Variants in SHISA6 observed in about 807,000 individuals in gnomAD.
SHISA6 encodes protein shisa-6.
SHISA6 carries 22 observed loss-of-function variants against 47.9 expected under a neutral mutation model. That is an observed-to-expected ratio of 0.46 (90% CI 0.33 to 0.66). The LOEUF (loss-of-function observed/expected upper bound fraction) is 0.66, where lower values mean the gene tolerates loss of function less well. SHISA6 is among the 30% of genes least tolerant of loss of function. The pLI, the probability that SHISA6 is intolerant of heterozygous loss-of-function variation, is 0.02. For missense variants in SHISA6, 680 were observed against 764.6 expected (o/e 0.89, Z 1.30); for synonymous variants, 388 against 337.8 (o/e 1.15, Z -1.63).
In SHISA6 at chr17:11,481,356, GTGTGTGTGTGTATA is replaced by G. The variant is rs370623155; in HGVS notation, c.896-70538_896-70525del. ...TATATATGTGTGTGTGTGTGTGTGT[GTGTGTGTGTGTATA>G]TATATATATATATATATTTAGAAAC... On this transcript the variant is annotated intron_variant, in intron 3 of 5. Coordinates refer to ENST00000441885, the MANE Select transcript of SHISA6 (RefSeq NM_207386.4). Among the ~76,000 whole-genome samples, 1,018 of 121,194 alleles carry G rather than the reference GTGTGTGTGTGTATA, an allele frequency of 8.4e-3. 17 individuals are homozygous for G. Among genetic ancestry groups the G allele is most frequent in the African/African-American group, 0.03 (967 of 32,432 alleles). 79.5% of individuals were successfully genotyped at this position (121,194 alleles called of 152,430 possible).
chr17:11,476,500 A>T (rs1430903893), intron 3 of SHISA6, among the ~76,000 whole-genome samples: 3 of 152,054 alleles, frequency 2.0e-5, no homozygotes, highest in African/African-American at 4.8e-5. Flanking sequence ...ATAGTTCAAA[A>T]TATCTTTGAT....
chr17:11,308,207 C>G (rs1042293405), intron 2 of SHISA6, among the ~76,000 whole-genome samples: 3 of 152,148 alleles, frequency 2.0e-5, no homozygotes, highest in Non-Finnish European at 4.4e-5. Context: ...CCCTGAATTT[C>G]CTTAGTGTTT....
At chr17:11,244,570 C>T (rs1364692167) in intron 1 of SHISA6, among the ~76,000 whole-genome samples, 1 of 152,184 alleles carries the variant, frequency 6.6e-6, no homozygotes, top group East Asian at 1.9e-4. Context: ...CCACCGTTTG[C>T]CATTCTGGGG....
At chr17:11,344,731 T>C (rs1292595919) in intron 2 of SHISA6, among the ~76,000 whole-genome samples, 1 of 152,202 alleles carries the variant, frequency 6.6e-6, no homozygotes, top group Non-Finnish European at 1.5e-5. Context: ...AATGATCAAA[T>C]CAGGGTAATT....
At chr17:11,297,918 G>A (rs1033930055) in intron 2 of SHISA6, among the ~76,000 whole-genome samples, 14 of 152,194 alleles carry the variant, frequency 9.2e-5, no homozygotes, top group Non-Finnish European at 1.9e-4. Context: ...TTATCTGGTG[G>A]TTGGAGGACG....
intron 3 of SHISA6, among the ~76,000 whole-genome samples, chr17:11,522,198 C>CTAGT (rs1244951842): frequency 6.6e-6 from 1 of 152,076 alleles, no homozygotes; most frequent in Non-Finnish European, 1.5e-5. Context: ...ATCTCCTGAC[C>CTAGT]TAGTGATCCA....
intron 3 of SHISA6, among the ~76,000 whole-genome samples, chr17:11,388,455 G>C (rs1324483869): frequency 6.6e-6 from 1 of 151,956 alleles, no homozygotes; most frequent in Non-Finnish European, 1.5e-5. Flanking sequence ...GCTGACTATT[G>C]GTCATTCGGA....
At chr17:11,334,327 A>G (rs969854665) in intron 2 of SHISA6, among the ~76,000 whole-genome samples, 2 of 150,840 alleles carry the variant, frequency 1.3e-5, no homozygotes, top group Non-Finnish European at 3.0e-5. Flanking sequence ...TGATGTAAGG[A>G]AAAAAAAAAT....
chr17:11,532,420 C>T (rs945637073), intron 3 of SHISA6, among the ~76,000 whole-genome samples: 4 of 152,186 alleles, frequency 2.6e-5, no homozygotes, highest in African/African-American at 9.7e-5. Context: ...TGTTTCTTTC[C>T]CTTCCTTATC....
intron 2 of SHISA6, among the ~76,000 whole-genome samples, chr17:11,347,794 G>T (rs1911750511): frequency 6.6e-6 from 1 of 152,134 alleles, no homozygotes; most frequent in Non-Finnish European, 1.5e-5. Flanking sequence ...GGTGAGAGTG[G>T]TGCCCTTTTC....
chr17:11,278,945 C>A (rs1297263578), intron 2 of SHISA6, among the ~76,000 whole-genome samples: 1 of 152,138 alleles, frequency 6.6e-6, no homozygotes, highest in East Asian at 1.9e-4. Context: ...GCCAGCCAAG[C>A]CTTGGAGAGG....
intron 3 of SHISA6, among the ~76,000 whole-genome samples, chr17:11,484,864 G>A (rs1234007051): frequency 6.6e-6 from 1 of 152,200 alleles, no homozygotes; most frequent in Admixed American, 6.5e-5. Flanking sequence ...TCTGAAAAGA[G>A]TCTGAGTAGA....
chr17:11,453,936 T>C (rs1250978404), intron 3 of SHISA6, among the ~76,000 whole-genome samples: 1 of 152,240 alleles, frequency 6.6e-6, no homozygotes, highest in Non-Finnish European at 1.5e-5. Context: ...ATTTACCCAC[T>C]GAAGGACATT....
intron 1 of SHISA6, among the ~76,000 whole-genome samples, chr17:11,245,580 G>A (rs571861238): frequency 1.4e-4 from 22 of 152,268 alleles, no homozygotes; most frequent in Admixed American, 1.4e-3. Context: ...GTGTCTTGGA[G>A]ATGAGAATCA....
chr17:11,253,007 C>A (rs571763613), intron 1 of SHISA6, among the ~76,000 whole-genome samples: 11 of 152,246 alleles, frequency 7.2e-5, no homozygotes, highest in African/African-American at 2.4e-5. Flanking sequence ...CAGCTTCTTA[C>A]CCAGCCTCAA....
At chr17:11,398,381 C>T (rs1046770605) in intron 3 of SHISA6, among the ~76,000 whole-genome samples, 1 of 152,094 alleles carries the variant, frequency 6.6e-6, no homozygotes, top group South Asian at 2.1e-4. Context: ...TTTCGTCTTA[C>T]AGGATGCCAC....
At chr17:11,546,624 A>C (rs1459894819) in intron 3 of SHISA6, among the ~76,000 whole-genome samples, 2 of 152,242 alleles carry the variant, frequency 1.3e-5, no homozygotes, top group Non-Finnish European at 2.9e-5. Context: ...GAAGGCATTA[A>C]ATAGGACAGA....
intron 3 of SHISA6, among the ~76,000 whole-genome samples, chr17:11,497,295 G>A (rs1444509970): frequency 2.0e-5 from 3 of 152,170 alleles, no homozygotes; most frequent in Admixed American, 6.5e-5. Context: ...TTCAAGTGCC[G>A]TGATTTTCAT....
chr17:11,539,361 T>G (rs2142377605), intron 3 of SHISA6, among the ~76,000 whole-genome samples: 1 of 152,384 alleles, frequency 6.6e-6, no homozygotes, highest in Middle Eastern at 3.4e-3. Flanking sequence ...TTTTGTTATA[T>G]CTGCCATTGA....
Sources: allele counts gnomAD v4.1 joint callset (sites outside exome capture counted in the v4.1 genomes callset), GRCh38; gene constraint gnomAD v4.1.1; transcripts MANE v1.5; gene names NCBI Gene and HGNC (gene_info 2026-07-23, HGNC 2026-07-21).